Variants in MCM8 observed in about 807,000 individuals in gnomAD.
MCM8 encodes minichromosome maintenance 8 homologous recombination repair factor.
In MCM8, 85 loss-of-function variants were observed where a neutral mutation model predicts 98.9. The observed-to-expected ratio is 0.86, with a 90% CI of 0.72 to 1.03. The LOEUF (loss-of-function observed/expected upper bound fraction) is 1.03, where lower values mean the gene tolerates loss of function less well. Among genes scored for constraint, MCM8 ranks in the 50% least tolerant of loss-of-function variants. MCM8 has a pLI of 0.00. For missense variants in MCM8, 951 were observed against 997.8 expected, an observed-to-expected ratio of 0.95 and a Z score of 0.63; for synonymous variants, 352 against 338.6, an observed-to-expected ratio of 1.04 and a Z score of -0.44.
Position 5,994,478 on chromosome 20 carries a change from GACACACACACACACACACAC to G in MCM8, c.*113_*132del, listed in dbSNP as rs11472210. The G allele has an allele frequency of 4.4e-5, 17 of 384,358 alleles. No individual in the cohort carries two copies. Among genetic ancestry groups the G allele is most frequent in the Admixed American group, 8.6e-5 (2 of 23,362 alleles). 23.8% of individuals were successfully genotyped at this position (384,358 alleles called of 1,614,324 possible). A position where few individuals can be genotyped will look rare whatever the true frequency, so the allele number is the denominator to read the frequency against. On this transcript the variant is annotated 3_prime_UTR_variant, in exon 19 of 19. Transcript: ENST00000610722. The stretch of plus-strand genomic sequence containing the variant: ...ATATGCGTGCACGCACAGACAGACA[GACACACACACACACACACAC>G]ACACACACACACACACACACACACA...
At chr20:5,969,595 A>C (rs1481549875) in intron 10 of MCM8, among the ~76,000 whole-genome samples, 2 of 91,294 alleles carry the variant, frequency 2.2e-5, no homozygotes, top group African/African-American at 8.6e-5. Context: ...CTGTCTCACA[A>C]AAAAAAAAAA....
At chr20:5,993,341 A>ATCATAGTGAATTTCAGAGTGGCCCC (rs2089890155) in intron 17 of MCM8, among the ~76,000 whole-genome samples, 165 bp from the exon 18 acceptor site, 1 of 152,214 alleles carries the variant, frequency 6.6e-6, no homozygotes, top group Non-Finnish European at 1.5e-5. Context: ...TTATCAATCC[A>ATCATAGTGAATTTCAGAGTGGCCCC]TCATAGTGAA....
chr20:5,954,766 C>A, intron 4 of MCM8, 76 bp downstream of exon 4: 4 of 880,034 alleles, frequency 4.5e-6, no homozygotes, highest in South Asian at 1.5e-5. Flanking sequence ...TGATTATGAT[C>A]GTAGGCACTG....
intron 6 of MCM8, 45 bp from the exon 7 acceptor site, chr20:5,958,483 A>G: frequency 6.6e-7 from 1 of 1,512,466 alleles, no homozygotes; most frequent in Non-Finnish European, 9.1e-7. Flanking sequence ...GTGAAAATAT[A>G]AAAAACATCA....
At chr20:5,984,706 A>G in intron 14 of MCM8, 75 bp from the exon 15 acceptor site, 2 of 1,239,238 alleles carry the variant, frequency 1.6e-6, no homozygotes, top group Non-Finnish European at 2.3e-6. Context: ...TGAGTAGTAA[A>G]TAAGTGAGTA....
At chr20:5,972,092 C>T in intron 11 of MCM8, 55 bp downstream of exon 11, 1 of 1,392,794 alleles carries the variant, frequency 7.2e-7, no homozygotes, top group Non-Finnish European at 9.9e-7. Flanking sequence ...GCAAAAATAA[C>T]ATATAAAAAC....
At position 5,967,431 on chromosome 20, in the gene MCM8, T is replaced by C. The variant is rs1316806348; in HGVS notation, c.876-5T>C. 3 of 1,611,884 alleles carry C rather than the reference T, an allele frequency of 1.9e-6. No homozygotes were observed. Among genetic ancestry groups the C allele is most frequent in the East Asian group, 2.2e-5 (1 of 44,838 alleles). Reference sequence around the variant, plus strand: ...TTCTAACTGAAAACTATTTAAACTTTTTAGAATCCAGGAATTGATGTCTGA... The same window carrying C: ...TTCTAACTGAAAACTATTTAAACTTCTTAGAATCCAGGAATTGATGTCTGA... On this transcript the variant is annotated splice_region_variant and splice_polypyrimidine_tract_variant and intron_variant, in intron 8 of 18. Coordinates refer to ENST00000610722, the MANE Select transcript of MCM8 (RefSeq NM_032485.6).
chr20:5,952,620 C>T (rs1472302258), intron 3 of MCM8, 92 bp downstream of exon 3: 6 of 1,006,568 alleles, frequency 6.0e-6, no homozygotes, highest in Non-Finnish European at 9.2e-6. Context: ...AATTCATTTA[C>T]TAACATATAC....
rs2089696620 is a variant in MCM8, at chr20:5,984,791, G to A, written c.1744G>A (p.Ala582Thr). Residue 582 changes from alanine (A) to threonine (T), a missense_variant, in exon 15 of 19, where the codon GCA becomes ACA. Physicochemically the swap from Ala to Thr is moderately conservative, Grantham distance 58. Transcript: ENST00000610722. ...TTTCATCCTTCATAGAATGGGGAGT[G>A]CACTACTATCCAGATTTGATTTGGT... ...TVSENLKMGS[A>T]LLSRFDLVFI... 2 of 1,610,606 alleles carry A rather than the reference G, an allele frequency of 1.2e-6. No individual in the cohort carries two copies. The highest frequency in any genetic ancestry group is 1.7e-6 in the Non-Finnish European group (2 of 1,177,096).
At position 5,983,004 on chromosome 20, in the gene MCM8, G is replaced by T; in HGVS notation, c.1572G>T (p.Gly524=). The T allele has an allele frequency of 1.9e-6, 3 of 1,613,218 alleles. No individual in the cohort carries two copies. ...ICGIDEFDKM[G]NQHQALLEAM... ...GAATCGATGAATTTGATAAGATGGGGAATCAACATCAAGCCTTGTTGGAAG... is the reference window on the plus strand; with the variant it reads ...GAATCGATGAATTTGATAAGATGGGTAATCAACATCAAGCCTTGTTGGAAG... Residue 524 remains glycine (G), a synonymous_variant, in exon 14 of 19, where the codon GGG becomes GGT. Coordinates refer to ENST00000610722, the MANE Select transcript of MCM8 (RefSeq NM_032485.6).
At chr20:5,974,207 A>G (rs2089462703) in intron 12 of MCM8, among the ~76,000 whole-genome samples, 1 of 152,192 alleles carries the variant, frequency 6.6e-6, no homozygotes, top group Non-Finnish European at 1.5e-5. Flanking sequence ...ACTTTGGCTT[A>G]CTGCAGCTTC....
intron 1 of MCM8, among the ~76,000 whole-genome samples, chr20:5,951,471 G>T (rs1390261496): frequency 6.6e-6 from 1 of 152,142 alleles, no homozygotes; most frequent in Non-Finnish European, 1.5e-5. Context: ...GTATACTTAG[G>T]ATATGAATCA....
At chr20:5,985,824 G>A (rs950282644) in intron 15 of MCM8, 98 bp from the exon 16 acceptor site, 3 of 1,203,810 alleles carry the variant, frequency 2.5e-6, no homozygotes, top group African/African-American at 1.5e-5. Context: ...GGGATTACAG[G>A]CGTGAGCCAC....
intron 13 of MCM8, among the ~76,000 whole-genome samples, chr20:5,979,859 A>G (rs969546222): frequency 6.6e-6 from 1 of 152,180 alleles, no homozygotes; most frequent in Non-Finnish European, 1.5e-5. Flanking sequence ...TCTCGCTCAG[A>G]GTGAAAGCCA....
intron 11 of MCM8, 47 bp downstream of exon 11, chr20:5,972,084 A>C (rs940843727): frequency 2.1e-5 from 30 of 1,460,226 alleles, no homozygotes; most frequent in Non-Finnish European, 2.7e-5. Flanking sequence ...TAAGGTTAGC[A>C]AAAATAACAT....
At chr20:5,971,479 T>C (rs1385270115) in intron 10 of MCM8, among the ~76,000 whole-genome samples, 1 of 152,246 alleles carries the variant, frequency 6.6e-6, no homozygotes, top group African/African-American at 2.4e-5. Flanking sequence ...CTTTGAGTTA[T>C]CCCACCTTTC....
rs760500580 is a variant in MCM8, at chr20:5,973,103, A to G, written c.1302A>G (p.Lys434=). The stretch of plus-strand genomic sequence containing the variant: ...TAGCACTCTTTGGAGGAAGCCAGAA[A>G]TACGCAGATGACAAAAACAGAATTC... ...LALALFGGSQ[K]YADDKNRIPI... is the part of the protein sequence containing the mutation. Residue 434 remains lysine, a synonymous_variant, in exon 12 of 19, where the codon AAA becomes AAG. Transcript: ENST00000610722. The G allele has an allele frequency of 6.2e-7, 1 of 1,614,244 alleles. No homozygotes were observed. The highest frequency in any genetic ancestry group is 1.1e-5 in the South Asian group (1 of 91,090).
Position 5,973,075 on chromosome 20 carries a change from C to T in MCM8, c.1274C>T (p.Ala425Val), listed in dbSNP as rs1468668001. The change falls in exon 12 of 19, where the codon GCA becomes GTA. Residue 425 changes from alanine to valine, a missense_variant. Physicochemically the swap from Ala to Val is moderately conservative, Grantham distance 64 (BLOSUM62 0). Coordinates refer to ENST00000610722, the MANE Select transcript of MCM8 (RefSeq NM_032485.6). ...FGHELVKAGL[A>V]LALFGGSQKY... ...CTTGAGCTTGTTAAAGCAGGTTTGG[C>T]ATTAGCACTCTTTGGAGGAAGCCAG... is the stretch of plus-strand genomic sequence containing the variant. The T allele has an allele frequency of 6.2e-7, 1 of 1,614,158 alleles. No homozygotes were observed. Among genetic ancestry groups the T allele is most frequent in the South Asian group, 1.1e-5 (1 of 91,080 alleles).
chr20:5,996,603 CA>C lies in MCM8; in HGVS notation c.*2214del, dbSNP rs1456212312. ...ACAAAAGTCAACACATAAATAATAT[CA>C]ACCAAAATAAAGTGGTAGACAGAAG... On this transcript the variant is annotated 3_prime_UTR_variant, in exon 19 of 19. Coordinates refer to ENST00000610722, the MANE Select transcript of MCM8 (RefSeq NM_032485.6). 1 of 152,042 alleles carries C rather than the reference CA, an allele frequency of 6.6e-6. No homozygotes were observed. The highest frequency in any genetic ancestry group is 1.5e-5 in the Non-Finnish European group (1 of 68,000). The allele number at this position is 152,042 out of a possible 1,614,324, so 9.4% of individuals were successfully genotyped here.
Sources: allele counts gnomAD v4.1 joint callset (sites outside exome capture counted in the v4.1 genomes callset), GRCh38; gene constraint gnomAD v4.1.1; transcripts MANE v1.5; gene names NCBI Gene and HGNC (gene_info 2026-07-23, HGNC 2026-07-21).